EHD4: variants seen among roughly 807,000 people sequenced by gnomAD.
EHD4 encodes the protein EH domain-containing protein 4.
Under a neutral mutation model 51.0 loss-of-function variants are expected in EHD4, and 37 were observed. The observed-to-expected ratio is 0.73, with a 90% CI of 0.56 to 0.95. The LOEUF is 0.95. EHD4 is among the 40% of genes least tolerant of loss of function. EHD4 has a pLI of 0.00. For synonymous variants in EHD4, 297 were observed against 317.3 expected, an observed-to-expected ratio of 0.94 and a Z score of 0.68; for missense variants, 632 against 733.1, an observed-to-expected ratio of 0.86 and a Z score of 1.59.
chr15:41,939,527 G>T (rs559331091), intron 3 of EHD4, among the ~76,000 whole-genome samples: 5 of 152,068 alleles, frequency 3.3e-5, no homozygotes, highest in African/African-American at 9.6e-5. Flanking sequence ...TTACCATACT[G>T]ATTATCATTT....
chr15:41,921,588 A>C (rs1434212713), intron 3 of EHD4: 2 of 152,284 alleles, frequency 1.3e-5, no homozygotes, highest in African/African-American at 2.4e-5. Flanking sequence ...AGCCACCCAT[A>C]GATGGACCTG....
intron 4 of EHD4, among the ~76,000 whole-genome samples, chr15:41,918,621 G>A (rs2067601437): frequency 6.6e-6 from 1 of 152,202 alleles, no homozygotes. Flanking sequence ...GGCGAGCCAG[G>A]AGCCCAGGCA....
intron 1 of EHD4, among the ~76,000 whole-genome samples, chr15:41,969,431 A>G (rs545288369): frequency 6.0e-4 from 91 of 152,226 alleles, no homozygotes; most frequent in South Asian, 1.0e-3. Flanking sequence ...CTGTAATCCC[A>G]GCTACTCGGG....
intron 2 of EHD4, among the ~76,000 whole-genome samples, chr15:41,949,025 T>TAC (rs2067834464): frequency 1.8e-5 from 1 of 56,248 alleles, no homozygotes; most frequent in African/African-American, 6.0e-5. Context: ...ACTATATATA[T>TAC]ATATATATAT....
At chr15:41,964,969 A>G (rs2067952982) in intron 1 of EHD4, among the ~76,000 whole-genome samples, 1 of 151,980 alleles carries the variant, frequency 6.6e-6, no homozygotes, top group Admixed American at 6.6e-5. Context: ...GATGGGGCTC[A>G]CCATGTTGCC....
At chr15:41,962,280 G>C (rs537244660) in intron 1 of EHD4, among the ~76,000 whole-genome samples, 8 of 152,270 alleles carry the variant, frequency 5.3e-5, no homozygotes, top group African/African-American at 1.9e-4. Flanking sequence ...CTCAAAGAAT[G>C]ACAGAAAATG....
chr15:41,902,413 T>G (rs1336550003), intron 5 of EHD4, among the ~76,000 whole-genome samples: 1 of 152,188 alleles, frequency 6.6e-6, no homozygotes, highest in East Asian at 1.9e-4. Flanking sequence ...CTTTTATTTG[T>G]CATTTACTCT....
At position 41,961,782 on chromosome 15, in the gene EHD4, A is replaced by G. The variant is rs143742200; in HGVS notation, c.237-7842T>C. On this transcript the variant is annotated intron_variant, in intron 1 of 5. Transcript: ENST00000220325. ...AAGGTGAAATAACATAGGCAATACCATTAAGATTAGAAGCTTGATATGAAT... is the reference window on the plus strand; with the variant it reads ...AAGGTGAAATAACATAGGCAATACCGTTAAGATTAGAAGCTTGATATGAAT... 2.8e-4 allele frequency among the ~76,000 whole-genome samples: 42 copies of G among 152,366 alleles called. No homozygotes were observed. The East Asian group carries it at 7.7e-3, about 28-fold the overall frequency.
At chr15:41,907,868 GTGTATA>G (rs202013799) in intron 5 of EHD4, among the ~76,000 whole-genome samples, 6,207 of 99,466 alleles carry the variant, frequency 0.062, 240 homozygotes, top group African/African-American at 0.13. Context: ...GTGTGTGTGT[GTGTATA>G]TATTTATTTA....
rs2067904772 is a variant in EHD4 at position 41,958,778 on chromosome 15, T to C, written c.237-4838A>G. Among the ~76,000 whole-genome samples the C allele has an allele frequency of 3.9e-5, 6 of 152,330 alleles. No homozygotes were observed. In the South Asian group the frequency reaches 1.2e-3, roughly 32 times the overall value. On this transcript the variant is annotated intron_variant, in intron 1 of 5. Coordinates refer to ENST00000220325, the MANE Select transcript of EHD4 (RefSeq NM_139265.4). ...TGAGGACTCGTTATGTGCTAAAGTC[T>C]TTACATGAATAGTCTCATTTCATCC...
At chr15:41,969,877 T>C (rs1039998471) in intron 1 of EHD4, among the ~76,000 whole-genome samples, 1 of 152,188 alleles carries the variant, frequency 6.6e-6, no homozygotes, top group Non-Finnish European at 1.5e-5. Context: ...ATCAGTGACC[T>C]CTTGGAATGT....
intron 1 of EHD4, among the ~76,000 whole-genome samples, chr15:41,966,455 C>T (rs889478728): frequency 2.6e-5 from 4 of 152,204 alleles, no homozygotes; most frequent in South Asian, 2.1e-4. Context: ...TCTCAGGCCA[C>T]GTGGTTGGTG....
chr15:41,920,235 G>A (rs941994107), intron 3 of EHD4, among the ~76,000 whole-genome samples: 5 of 152,174 alleles, frequency 3.3e-5, no homozygotes, highest in Admixed American at 6.5e-5. Context: ...TTAACATTAC[G>A]TATCACAGCC....
At chr15:41,913,462 G>A (rs531726724) in intron 4 of EHD4, among the ~76,000 whole-genome samples, 2 of 152,190 alleles carry the variant, frequency 1.3e-5, no homozygotes, top group African/African-American at 4.8e-5. Flanking sequence ...CTCAGGCCCC[G>A]TGACCACTGC....
At chr15:41,968,901 A>C (rs895518817) in intron 1 of EHD4, among the ~76,000 whole-genome samples, 1 of 152,174 alleles carries the variant, frequency 6.6e-6, no homozygotes, top group African/African-American at 2.4e-5. Flanking sequence ...CATTTTCATC[A>C]CATCAAAGAG....
rs1001168095 is a variant in EHD4 at position 41,959,925 on chromosome 15, G to A, written c.237-5985C>T. On this transcript the variant is annotated intron_variant, in intron 1 of 5. Coordinates refer to ENST00000220325, the MANE Select transcript of EHD4 (RefSeq NM_139265.4). ...GCGGAGGTTGCAGTGAGCCAAAATT[G>A]CACCACTGCATTCCAGACTGGGTGA... 8.9e-5 allele frequency among the ~76,000 whole-genome samples: 13 copies of A among 146,032 alleles called. 1 individual carries two copies. Among genetic ancestry groups the A allele is most frequent in the Admixed American group, 8.4e-4 (12 of 14,276 alleles).
At chr15:41,945,617 G>A (rs1180799864) in intron 2 of EHD4, among the ~76,000 whole-genome samples, 1 of 152,216 alleles carries the variant, frequency 6.6e-6, no homozygotes, top group African/African-American at 2.4e-5. Context: ...GTGAGGGGCA[G>A]GCAAGAGAAC....
At chr15:41,924,041 T>A (rs1485537215) in intron 3 of EHD4, among the ~76,000 whole-genome samples, 1 of 152,236 alleles carries the variant, frequency 6.6e-6, no homozygotes, top group Non-Finnish European at 1.5e-5. Context: ...AAGATCGGGT[T>A]GTTGAGTGAT....
chr15:41,963,982 A>G (rs2067944627), intron 1 of EHD4, among the ~76,000 whole-genome samples: 1 of 151,958 alleles, frequency 6.6e-6, no homozygotes, highest in South Asian at 2.1e-4. Flanking sequence ...CGTCTCTTCT[A>G]AAAATGCAAA....
Sources: allele counts gnomAD v4.1 joint callset (sites outside exome capture counted in the v4.1 genomes callset), GRCh38; gene constraint gnomAD v4.1.1; transcripts MANE v1.5; gene names NCBI Gene and HGNC (gene_info 2026-07-23, HGNC 2026-07-21).